The following PPARGC1A variants were observed in gnomAD, a reference collection of about 807,000 sequenced individuals.
The protein encoded by PPARGC1A is PPARG coactivator 1 alpha, also known as peroxisome proliferator-activated receptor gamma coactivator 1-alpha.
In PPARGC1A, 25 loss-of-function variants were observed where a neutral mutation model predicts 88.7. That is an observed-to-expected ratio of 0.28 (90% confidence interval 0.21 to 0.39). The LOEUF (loss-of-function observed/expected upper bound fraction) is 0.39. Among genes scored for constraint, PPARGC1A ranks in the 10% least tolerant of loss-of-function variants. PPARGC1A has a pLI of 1.00. For missense variants in PPARGC1A, 880 were observed against 968.7 expected (o/e 0.91, Z 1.22); for synonymous variants, 363 against 355.6 (o/e 1.02, Z -0.24).
At chr4:24,400,958 T>G in the PPARGC1A span, among the ~76,000 whole-genome samples, 1 of 151,536 alleles carries the variant, frequency 6.6e-6, no homozygotes, top group South Asian at 2.1e-4. Context: ...TACTTGTATC[T>G]GGAACATATG....
chr4:24,153,625 C>T, the PPARGC1A span, among the ~76,000 whole-genome samples: 14 of 152,126 alleles, frequency 9.2e-5, no homozygotes, highest in African/African-American at 2.7e-4. Context: ...CCAATCAGTC[C>T]GTAGTCCATA....
the PPARGC1A span, among the ~76,000 whole-genome samples, chr4:24,256,032 G>A: frequency 6.6e-6 from 1 of 152,124 alleles, no homozygotes; most frequent in African/African-American, 2.4e-5. Flanking sequence ...TACCTCATTG[G>A]GATCTCACCA....
At chr4:23,810,109 A>G (rs570983829) in intron 10 of PPARGC1A, among the ~76,000 whole-genome samples, 1 of 152,362 alleles carries the variant, frequency 6.6e-6, no homozygotes, top group South Asian at 2.1e-4. Context: ...CTCATGTTCA[A>G]TAGAAACAGC....
chr4:24,228,440 A>G, the PPARGC1A span, among the ~76,000 whole-genome samples: 1 of 152,200 alleles, frequency 6.6e-6, no homozygotes, highest in Admixed American at 6.5e-5. Context: ...AGAGCTAAAC[A>G]TTGAGTCCTC....
chr4:23,888,118 A>G (rs1428423110), intron 1 of PPARGC1A, among the ~76,000 whole-genome samples: 1 of 152,216 alleles, frequency 6.6e-6, no homozygotes, highest in East Asian at 1.9e-4. Context: ...GCTGCTCGTA[A>G]TATTTTATAC....
At chr4:23,966,241 A>T in the PPARGC1A span, among the ~76,000 whole-genome samples, 2 of 152,144 alleles carry the variant, frequency 1.3e-5, no homozygotes, top group African/African-American at 2.4e-5. Flanking sequence ...TTCCTCGGAG[A>T]GGTCATTTCT....
the PPARGC1A span, among the ~76,000 whole-genome samples, chr4:23,937,502 ATAAAATAAAG>A: frequency 1.3e-5 from 2 of 152,052 alleles, no homozygotes; most frequent in African/African-American, 2.4e-5. Context: ...AGAAAATAAA[ATAAAATAAAG>A]TAAAATAAAA....
chr4:24,317,554 CTAAAAAAAAAAAAAAAAA>C, the PPARGC1A span, among the ~76,000 whole-genome samples: 7 of 14,254 alleles, frequency 4.9e-4, no homozygotes, highest in Non-Finnish European at 1.4e-3. Context: ...GTTCAGAGGA[CTAAAAAAAAAAAAAAAAA>C]AAAAAAAAAA....
In PPARGC1A at chr4:23,846,583, T is replaced by C. The variant is rs78114950; in HGVS notation, c.235-14832A>G. Among the ~76,000 whole-genome samples the C allele has an allele frequency of 7.1e-3, 1,077 of 152,290 alleles. 25 individuals are homozygous for C. Among genetic ancestry groups the C allele is most frequent in the East Asian group, 0.059 (305 of 5,176 alleles). ...TTCATGTCTGTGTGTTTTTAATAGA[T>C]CACAAGCTTCCTGGGACTAGGAATC... is the stretch of plus-strand genomic sequence containing the variant. On this transcript the variant is annotated intron_variant, in intron 2 of 12. Coordinates refer to ENST00000264867, the MANE Select transcript of PPARGC1A (RefSeq NM_013261.5).
chr4:24,179,757 G>C, the PPARGC1A span, among the ~76,000 whole-genome samples: 1 of 152,070 alleles, frequency 6.6e-6, no homozygotes, highest in African/African-American at 2.4e-5. Context: ...TTACAGTGCC[G>C]ATACAGTGCC....
At chr4:24,268,389 A>T in the PPARGC1A span, among the ~76,000 whole-genome samples, 1 of 152,212 alleles carries the variant, frequency 6.6e-6, no homozygotes, top group Non-Finnish European at 1.5e-5. Flanking sequence ...CCAGTTTTTA[A>T]TGATGGCCTT....
At chr4:23,840,936 CAAGT>C (rs2148606141) in intron 2 of PPARGC1A, among the ~76,000 whole-genome samples, 1 of 152,184 alleles carries the variant, frequency 6.6e-6, no homozygotes, top group African/African-American at 2.4e-5. Context: ...GCCAGGCAAG[CAAGT>C]GATATATTCT....
the PPARGC1A span, among the ~76,000 whole-genome samples, chr4:24,081,874 GCT>G: frequency 1.3e-5 from 2 of 151,966 alleles, no homozygotes; most frequent in African/African-American, 4.8e-5. Context: ...TTTGTGCAGG[GCT>G]CTTAACCTGT....
At chr4:24,119,693 T>C in the PPARGC1A span, among the ~76,000 whole-genome samples, 1 of 152,150 alleles carries the variant, frequency 6.6e-6, no homozygotes, top group Admixed American at 6.5e-5. Context: ...CATGCTTTAA[T>C]AGGAAAACGG....
At chr4:24,362,754 C>T in the PPARGC1A span, among the ~76,000 whole-genome samples, 1 of 152,188 alleles carries the variant, frequency 6.6e-6, no homozygotes, top group African/African-American at 2.4e-5. Context: ...AGTTTCTTCC[C>T]ATTTCACAAG....
At position 23,871,785 on chromosome 4, in the gene PPARGC1A, A is replaced by G. The variant is rs372975942; in HGVS notation, c.234+12967T>C. ...ATGGAAAAACCAAGGGCAGTGCTAT[A>G]ATAGAGGCACTTTTCCCCTATACAA... is the stretch of plus-strand genomic sequence containing the variant. On this transcript the variant is annotated intron_variant, in intron 2 of 12. Coordinates refer to ENST00000264867, the MANE Select transcript of PPARGC1A (RefSeq NM_013261.5). Among the ~76,000 whole-genome samples the G allele has an allele frequency of 2.0e-5, 3 of 152,276 alleles. No individual in the cohort carries two copies. The East Asian group carries it at 5.8e-4, about 29-fold the overall frequency.
chr4:24,349,315 C>G, the PPARGC1A span, among the ~76,000 whole-genome samples: 1 of 152,124 alleles, frequency 6.6e-6, no homozygotes. Context: ...GCATCAGCTG[C>G]AGTAGTAGTG....
the PPARGC1A span, among the ~76,000 whole-genome samples, chr4:24,171,442 A>G: frequency 6.6e-6 from 1 of 151,870 alleles, no homozygotes; most frequent in African/African-American, 2.4e-5. Context: ...TTCATCTACA[A>G]CACTCTATCT....
chr4:24,085,410 T>C, the PPARGC1A span, among the ~76,000 whole-genome samples: 1 of 152,328 alleles, frequency 6.6e-6, no homozygotes, highest in South Asian at 2.1e-4. Flanking sequence ...CTTTTCATCT[T>C]ATAGAGGCAG....
Sources: gnomAD v4.1 joint callset for allele counts (sites outside exome capture counted in the v4.1 genomes callset) on GRCh38, gnomAD v4.1.1 for gene constraint, MANE v1.5 for transcripts, NCBI Gene and HGNC (gene_info 2026-07-23, HGNC 2026-07-21) for gene names.